GRM5: variants seen among roughly 807,000 people sequenced by gnomAD.
GRM5 encodes the protein glutamate metabotropic receptor 5.
A neutral mutation model predicts 83.1 loss-of-function variants in GRM5; 19 were observed. That is an observed-to-expected ratio of 0.23 (90% CI 0.16 to 0.34). The LOEUF is 0.34. Among genes scored for constraint, GRM5 ranks in the 10% least tolerant of loss-of-function variants. The pLI is 1.00. For synonymous variants in GRM5, 675 were observed against 633.6 expected, an observed-to-expected ratio of 1.07 and a Z score of -0.98; for missense variants, 1,160 against 1,588.3, an observed-to-expected ratio of 0.73 and a Z score of 4.58.
At chr11:88,844,357 T>TACAC (rs3031469) in intron 3 of GRM5, among the ~76,000 whole-genome samples, 2,738 of 146,154 alleles carry the variant, frequency 0.019, 53 homozygotes, top group African/African-American at 0.049. Context: ...TCAGAATTAC[T>TACAC]ACACACACAC....
intron 4 of GRM5, among the ~76,000 whole-genome samples, chr11:88,651,295 G>A (rs1408415348): frequency 6.6e-6 from 1 of 151,994 alleles, no homozygotes; most frequent in Non-Finnish European, 1.5e-5. Context: ...GGGAAAAGAA[G>A]AAATTAATAA....
intron 2 of GRM5, among the ~76,000 whole-genome samples, chr11:88,990,574 G>C (rs1184503726): frequency 1.3e-5 from 2 of 149,924 alleles, no homozygotes; most frequent in Non-Finnish European, 3.0e-5. Context: ...GAGAATTTTA[G>C]ACCAATATCC....
At chr11:88,808,492 A>T (rs1369202484) in intron 3 of GRM5, among the ~76,000 whole-genome samples, 1 of 152,034 alleles carries the variant, frequency 6.6e-6, no homozygotes, top group African/African-American at 2.4e-5. Flanking sequence ...TAAGCAGAGA[A>T]TGGCATGGAT....
At chr11:88,967,305 T>C (rs1939017428) in intron 2 of GRM5, among the ~76,000 whole-genome samples, 1 of 149,418 alleles carries the variant, frequency 6.7e-6, no homozygotes, top group Non-Finnish European at 1.5e-5. Context: ...TTTCATCTAT[T>C]AAAGATTAAA....
intron 2 of GRM5, among the ~76,000 whole-genome samples, chr11:88,885,034 C>G (rs996956219): frequency 1.3e-5 from 2 of 152,096 alleles, no homozygotes; most frequent in Admixed American, 6.5e-5. Context: ...CTGAATTACT[C>G]ATTCCTAAGA....
At chr11:88,759,922 G>T (rs1481282789) in intron 3 of GRM5, among the ~76,000 whole-genome samples, 1 of 151,912 alleles carries the variant, frequency 6.6e-6, no homozygotes, top group East Asian at 1.9e-4. Context: ...ACTAAGAAAT[G>T]CACTCAAAAC....
At chr11:88,782,650 C>T (rs550802828) in intron 3 of GRM5, among the ~76,000 whole-genome samples, 64 of 152,056 alleles carry the variant, frequency 4.2e-4, no homozygotes, top group African/African-American at 1.4e-3. Flanking sequence ...TAAGATTGTC[C>T]CTGTTATAAA....
chr11:89,047,154 AAATTGT>A lies in GRM5; in HGVS notation c.661+52_661+57del. On this transcript the variant is annotated intron_variant, in intron 2 of 9. Transcript: ENST00000305447. The surrounding 1 kb of genome is among the most constrained non-coding windows in gnomAD (Gnocchi z 5.1). ...GAATAGTTTACTCTTCCCAAACCTG[AAATTGT>A]AACTGTTGAGTGCATAATAATATAT... The A allele has an allele frequency of 3.7e-6, 5 of 1,339,030 alleles. No homozygotes were observed. In the African/African-American group the frequency reaches 7.3e-5, roughly 20 times the overall value. The allele number at this position is 1,339,030 out of a possible 1,614,324, so 82.9% of individuals were successfully genotyped here. A position where few individuals can be genotyped will look rare whatever the true frequency, so the allele number is the denominator to read the frequency against.
Position 88,704,815 on chromosome 11 carries a change from A to T in GRM5, c.912-51412T>A, listed in dbSNP as rs370239898. Among the ~76,000 whole-genome samples the T allele has an allele frequency of 2.9e-4, 44 of 152,040 alleles. 1 individual carries two copies. In the East Asian group the frequency reaches 4.3e-3, roughly 15 times the overall value. On this transcript the variant is annotated intron_variant, in intron 3 of 9. Coordinates refer to ENST00000305447, the MANE Select transcript of GRM5 (RefSeq NM_001143831.3). ...TCTATACTTTTTCTGTTCTCTCCTA[A>T]CTACCATTTCCCCATTCACCCTGGA...
chr11:88,611,975 T>G (rs1051581798), intron 4 of GRM5, among the ~76,000 whole-genome samples: 1 of 151,836 alleles, frequency 6.6e-6, no homozygotes, highest in African/African-American at 2.4e-5. Context: ...TTATTATTTT[T>G]TTTTATTATA....
chr11:88,666,607 G>A (rs1449385564), intron 3 of GRM5, among the ~76,000 whole-genome samples: 1 of 152,158 alleles, frequency 6.6e-6, no homozygotes, highest in African/African-American at 2.4e-5. Flanking sequence ...GTTTTATTGA[G>A]AACAAACAAA....
intron 1 of GRM5, among the ~76,000 whole-genome samples, chr11:89,051,229 C>T (rs1380932159): frequency 6.6e-6 from 1 of 151,740 alleles, no homozygotes; most frequent in Non-Finnish European, 1.5e-5. Flanking sequence ...GCACTCCAGC[C>T]TGGGCGGCAG....
At chr11:88,815,725 C>T (rs1943664178) in intron 3 of GRM5, among the ~76,000 whole-genome samples, 1 of 152,174 alleles carries the variant, frequency 6.6e-6, no homozygotes, top group Non-Finnish European at 1.5e-5. Flanking sequence ...TGGGAACTAA[C>T]AGAGTGAGAA....
At position 88,525,414 on chromosome 11, in the gene GRM5, A is replaced by T. The variant is rs1198682269; in HGVS notation, c.2631-10T>A. On this transcript the variant is annotated splice_polypyrimidine_tract_variant and intron_variant, in intron 8 of 9. Coordinates refer to ENST00000305447, the MANE Select transcript of GRM5 (RefSeq NM_001143831.3). ...TCTCCTGTCTTTGTACCTGGTGAGC[A>T]TGAACAAGGACAGGAGCAAACAGAA... 3 of 1,540,816 alleles carry T rather than the reference A, an allele frequency of 1.9e-6. No individual in the cohort carries two copies. Among genetic ancestry groups the T allele is most frequent in the East Asian group, 4.5e-5 (2 of 44,550 alleles).
At chr11:88,599,815 C>A (rs1937926075) in intron 5 of GRM5, among the ~76,000 whole-genome samples, 2 of 152,022 alleles carry the variant, frequency 1.3e-5, no homozygotes, top group African/African-American at 4.8e-5. Context: ...AGATCGAGAC[C>A]ATCCTGGCTA....
intron 3 of GRM5, among the ~76,000 whole-genome samples, chr11:88,831,958 C>T (rs1373467526): frequency 2.0e-5 from 3 of 152,162 alleles, no homozygotes; most frequent in Non-Finnish European, 2.9e-5. Context: ...TGGTGAGACC[C>T]AGGCACATTT....
intron 8 of GRM5, among the ~76,000 whole-genome samples, chr11:88,526,394 T>C (rs1360375179): frequency 1.3e-5 from 2 of 152,188 alleles, no homozygotes; most frequent in Non-Finnish European, 2.9e-5. Context: ...ATTTGCCAGA[T>C]GAGGAAGCTA....
At chr11:88,778,527 T>G (rs1158846969) in intron 3 of GRM5, among the ~76,000 whole-genome samples, 1 of 152,110 alleles carries the variant, frequency 6.6e-6, no homozygotes, top group African/African-American at 2.4e-5. Context: ...ATCACCCGTC[T>G]TCTGCATCGA....
chr11:88,933,608 A>G (rs1166232605), intron 2 of GRM5, among the ~76,000 whole-genome samples: 1 of 151,696 alleles, frequency 6.6e-6, no homozygotes, highest in Non-Finnish European at 1.5e-5. Context: ...TACTTGTAAG[A>G]CCTATTTCGT....
Sources: gnomAD v4.1 joint callset for allele counts (sites outside exome capture counted in the v4.1 genomes callset) on GRCh38, gnomAD v4.1.1 for gene constraint, Gnocchi (gnomAD v3.1) non-coding constraint, MANE v1.5 for transcripts, NCBI Gene and HGNC (gene_info 2026-07-23, HGNC 2026-07-21) for gene names.